The following MTMR8 variants were observed in gnomAD, a reference collection of about 807,000 sequenced individuals.
MTMR8 encodes myotubularin related protein 8.
Under a neutral mutation model 39.3 loss-of-function variants are expected in MTMR8, and 65 were observed. The ratio of observed to expected loss-of-function variants is 1.65; its 90% confidence interval spans 1.35 to 2.03. The LOEUF is 2.03. Among genes scored for constraint, MTMR8 ranks in the 30% most tolerant of loss-of-function variants. The pLI, the probability that MTMR8 is intolerant of heterozygous loss-of-function variation, is 0.00. For missense variants in MTMR8, 777 were observed against 538.9 expected, an observed-to-expected ratio of 1.44 and a Z score of -4.37; for synonymous variants, 245 against 185.2, an observed-to-expected ratio of 1.32 and a Z score of -2.62.
At chrX:64,311,259 G>A (rs1294171197) in intron 12 of MTMR8, among the ~76,000 whole-genome samples, 1 of 111,883 alleles carries the variant, frequency 8.9e-6, no homozygotes, top group African/African-American at 3.3e-5. Flanking sequence ...CAGTGATGAC[G>A]AGCATTTTTT....
chrX:64,372,203 G>C (rs1602153199), intron 1 of MTMR8, among the ~76,000 whole-genome samples: 1 of 106,848 alleles, frequency 9.4e-6, no homozygotes, highest in Non-Finnish European at 1.9e-5. Context: ...AAGTTCCCAA[G>C]GACCTTTTGC....
intron 12 of MTMR8, among the ~76,000 whole-genome samples, chrX:64,309,593 T>A (rs764815738): frequency 8.9e-6 from 1 of 112,043 alleles, no homozygotes; most frequent in East Asian, 2.8e-4. Context: ...TTATTTTTCT[T>A]GCCTTAATTC....
chrX:64,344,977 C>T, intron 7 of MTMR8, 68 bp downstream of exon 7: 1 of 1,125,472 alleles, frequency 8.9e-7, no homozygotes. Flanking sequence ...CCAAATCAGG[C>T]ATGCTTTCTG....
chrX:64,368,453 C>T (rs868721573), intron 1 of MTMR8, among the ~76,000 whole-genome samples: 1 of 111,377 alleles, frequency 9.0e-6, no homozygotes, highest in Non-Finnish European at 1.9e-5. Flanking sequence ...GGAATAACAC[C>T]ACACATCTAG....
At chrX:64,312,618 A>G (rs1002278123) in intron 12 of MTMR8, among the ~76,000 whole-genome samples, 4 of 112,865 alleles carry the variant, frequency 3.5e-5, no homozygotes, top group African/African-American at 1.3e-4. Context: ...TCTTAATGGC[A>G]TCTAGAATAG....
In MTMR8 at chrX:64,313,887, C is replaced by A. The variant is rs1021869916; in HGVS notation, c.1481+14885G>T. 3.6e-5 allele frequency among the ~76,000 whole-genome samples: 4 copies of A among 112,534 alleles called. No individual in the cohort carries two copies. In the Admixed American group the frequency reaches 3.8e-4, roughly 11 times the overall value. ...TCTGGCTTTTCAAGCTGTCATAGTT[C>A]TTGCACTCATTTTTATCAGCTGATG... On this transcript the variant is annotated intron_variant, in intron 12 of 13. Transcript: ENST00000374852.
intron 12 of MTMR8, among the ~76,000 whole-genome samples, chrX:64,298,212 G>A (rs1921697710): frequency 9.6e-6 from 1 of 103,986 alleles, no homozygotes; most frequent in Admixed American, 1.1e-4. Flanking sequence ...TCCTACCCAT[G>A]AGCGTGGAAT....
intron 12 of MTMR8, among the ~76,000 whole-genome samples, chrX:64,320,500 G>C (rs1447931108): frequency 1.8e-5 from 2 of 110,350 alleles, no homozygotes; most frequent in Non-Finnish European, 3.8e-5. Context: ...ACTTTATTTT[G>C]CCCACCTTGG....
At chrX:64,297,699 G>T (rs1257197074) in intron 12 of MTMR8, among the ~76,000 whole-genome samples, 3 of 104,493 alleles carry the variant, frequency 2.9e-5, no homozygotes, top group Non-Finnish European at 3.9e-5. Flanking sequence ...TTCTTCTAGG[G>T]TTTTTATGGT....
intron 12 of MTMR8, among the ~76,000 whole-genome samples, chrX:64,278,038 A>G (rs1931919142): frequency 9.2e-6 from 1 of 108,430 alleles, no homozygotes; most frequent in South Asian, 4.1e-4. Flanking sequence ...ATACTTGTGT[A>G]TGCTTCACAA....
intron 12 of MTMR8, among the ~76,000 whole-genome samples, chrX:64,318,671 C>T (rs762318011): frequency 1.3e-4 from 14 of 108,526 alleles, no homozygotes; most frequent in African/African-American, 4.7e-4. Flanking sequence ...CTCCATCTTC[C>T]CCTAAAACTA....
At chrX:64,367,294 G>A (rs749783508) in intron 1 of MTMR8, among the ~76,000 whole-genome samples, 1 of 111,837 alleles carries the variant, frequency 8.9e-6, no homozygotes, top group South Asian at 3.8e-4. Context: ...AAGCCGGGCA[G>A]AGACACAACA....
At chrX:64,345,010 T>C (rs1364174700) in intron 7 of MTMR8, 35 bp downstream of exon 7, 3 of 1,198,849 alleles carry the variant, frequency 2.5e-6, no homozygotes, top group East Asian at 3.0e-5. Flanking sequence ...CGCAAAGCTA[T>C]GGCCGCTTGC....
chrX:64,305,712 G>C, intron 12 of MTMR8: 3 of 513,731 alleles, frequency 5.8e-6, no homozygotes, highest in Non-Finnish European at 7.2e-6. Context: ...GGCCCAGTCT[G>C]TATCTACTAA....
At chrX:64,361,648 C>T (rs1170612281) in intron 1 of MTMR8, among the ~76,000 whole-genome samples, 4 of 110,388 alleles carry the variant, frequency 3.6e-5, no homozygotes, top group African/African-American at 1.3e-4. Flanking sequence ...TAATGATAAT[C>T]CTTAGTAAAC....
chrX:64,277,445 G>A (rs1019929571), intron 12 of MTMR8, among the ~76,000 whole-genome samples: 1 of 111,841 alleles, frequency 8.9e-6, no homozygotes, highest in African/African-American at 3.3e-5. Context: ...GCCTGGTGGT[G>A]ACAAAATCTC....
At chrX:64,307,662 G>C (rs1014553111) in intron 12 of MTMR8, among the ~76,000 whole-genome samples, 1 of 111,390 alleles carries the variant, frequency 9.0e-6, no homozygotes. Context: ...TTGTCAAATT[G>C]TCTTAGCTAT....
At chrX:64,303,679 C>A (rs1921980706) in intron 12 of MTMR8, among the ~76,000 whole-genome samples, 1 of 112,352 alleles carries the variant, frequency 8.9e-6, no homozygotes, top group Admixed American at 9.5e-5. Flanking sequence ...ATTCAATTTA[C>A]AAAAACTACT....
At chrX:64,275,666 AAG>A (rs1352413890) in intron 12 of MTMR8, among the ~76,000 whole-genome samples, 1 of 109,729 alleles carries the variant, frequency 9.1e-6, no homozygotes, top group African/African-American at 3.3e-5. Context: ...AAAAAAAAAA[AAG>A]AAAGAAACTA....
Sources: gnomAD v4.1 joint callset for allele counts (sites outside exome capture counted in the v4.1 genomes callset) on GRCh38, gnomAD v4.1.1 for gene constraint, MANE v1.5 for transcripts, NCBI Gene and HGNC (gene_info 2026-07-23, HGNC 2026-07-21) for gene names.